NPAS2: variants seen among roughly 807,000 people sequenced by gnomAD.
The protein encoded by NPAS2 is neuronal PAS domain protein 2, also known as neuronal PAS domain-containing protein 2.
NPAS2 carries 23 observed loss-of-function variants against 107.5 expected under a neutral mutation model. The observed-to-expected ratio is 0.21, with a 90% CI of 0.15 to 0.30. The LOEUF (loss-of-function observed/expected upper bound fraction) is 0.30. NPAS2 is among the 10% of genes least tolerant of loss of function. The pLI is 1.00. For synonymous variants in NPAS2, 403 were observed against 417.5 expected, an observed-to-expected ratio of 0.97 and a Z score of 0.42; for missense variants, 756 against 1,043.3, an observed-to-expected ratio of 0.72 and a Z score of 3.79.
At chr2:100,990,506 G>A (rs1278085729) in intron 18 of NPAS2, 60 bp downstream of exon 18, 1 of 1,554,114 alleles carries the variant, frequency 6.4e-7, no homozygotes, top group East Asian at 2.2e-5. Context: ...ATTCATTTCA[G>A]CTCTACTTTC....
intron 1 of NPAS2, among the ~76,000 whole-genome samples, chr2:100,827,915 T>C (rs894141331): frequency 6.6e-6 from 1 of 152,244 alleles, no homozygotes; most frequent in African/African-American, 2.4e-5. Context: ...TGTTTTCTTT[T>C]GGATAGATAC....
chr2:100,949,362 C>T lies in NPAS2; in HGVS notation c.485-5C>T, dbSNP rs1675090327. ...TTCTCTCCTCTTCTTCCTTTAACGGCCCAGCTGACAGCGATTTAGAGTTTT... is the reference window on the plus strand; with the variant it reads ...TTCTCTCCTCTTCTTCCTTTAACGGTCCAGCTGACAGCGATTTAGAGTTTT... On this transcript the variant is annotated splice_polypyrimidine_tract_variant and splice_region_variant and intron_variant, in intron 6 of 20. Coordinates refer to ENST00000335681, the MANE Select transcript of NPAS2 (RefSeq NM_002518.4). 8 of 1,583,686 alleles carry T rather than the reference C, an allele frequency of 5.1e-6. No homozygotes were observed. The highest frequency in any genetic ancestry group is 6.9e-6 in the Non-Finnish European group (8 of 1,152,268).
chr2:100,839,410 T>A (rs2104411075), intron 1 of NPAS2, among the ~76,000 whole-genome samples: 1 of 152,242 alleles, frequency 6.6e-6, no homozygotes, highest in Admixed American at 6.5e-5. Context: ...ATTACAGGTG[T>A]GAGCCACCGC....
At chr2:100,864,492 G>A (rs1679135739) in intron 1 of NPAS2, among the ~76,000 whole-genome samples, 1 of 152,152 alleles carries the variant, frequency 6.6e-6, no homozygotes, top group African/African-American at 2.4e-5. Flanking sequence ...GGAATAAAAA[G>A]TCCACGAGAA....
intron 1 of NPAS2, among the ~76,000 whole-genome samples, chr2:100,833,299 TACTC>T (rs1676859594): frequency 6.6e-6 from 1 of 152,202 alleles, no homozygotes. Flanking sequence ...GAGATATTGA[TACTC>T]AGGATGAGAA....
chr2:100,877,025 C>A (rs1324461078), intron 1 of NPAS2, among the ~76,000 whole-genome samples: 2 of 152,216 alleles, frequency 1.3e-5, no homozygotes, highest in Non-Finnish European at 2.9e-5. Flanking sequence ...CCCACAGTCA[C>A]CCTCCTCGGG....
chr2:100,924,756 T>C (rs1003143656), intron 2 of NPAS2, among the ~76,000 whole-genome samples: 1 of 152,110 alleles, frequency 6.6e-6, no homozygotes, highest in African/African-American at 2.4e-5. Context: ...AGGCTGGGTG[T>C]TCTGGATTGA....
upstream of NPAS2, chr2:100,820,137 C>T (rs1298415310): frequency 1.3e-5 from 2 of 151,384 alleles, no homozygotes; most frequent in African/African-American, 4.8e-5. The surrounding 1 kb of genome is among the most constrained non-coding windows in gnomAD (Gnocchi z 5.6). Context: ...CCCGCCGGCT[C>T]TGCGTGCGGA....
intron 1 of NPAS2, among the ~76,000 whole-genome samples, chr2:100,860,698 G>T (rs1170612703): frequency 6.6e-6 from 1 of 151,942 alleles, no homozygotes; most frequent in African/African-American, 2.4e-5. Flanking sequence ...CTTTTATTTG[G>T]TGGATTATAA....
At chr2:100,853,675 A>G (rs1678362351) in intron 1 of NPAS2, among the ~76,000 whole-genome samples, 1 of 152,138 alleles carries the variant, frequency 6.6e-6, no homozygotes, top group African/African-American at 2.4e-5. Context: ...TCTGCTTCTC[A>G]AGGCAGGATG....
chr2:100,847,143 T>G (rs1037279675), intron 1 of NPAS2: 1 of 152,260 alleles, frequency 6.6e-6, no homozygotes, highest in East Asian at 1.9e-4. Flanking sequence ...TTGTTGGGAC[T>G]GATTTGCTAT....
At chr2:100,874,837 G>A (rs551752956) in intron 1 of NPAS2, among the ~76,000 whole-genome samples, 18 of 152,228 alleles carry the variant, frequency 1.2e-4, no homozygotes, top group African/African-American at 2.2e-4. Context: ...CCCAGAACCC[G>A]GGGCCGTTTC....
At chr2:100,866,499 A>G (rs1308761816) in intron 1 of NPAS2, among the ~76,000 whole-genome samples, 1 of 152,228 alleles carries the variant, frequency 6.6e-6, no homozygotes, top group Non-Finnish European at 1.5e-5. Flanking sequence ...CAAAAAAGCA[A>G]CGCAGATGTT....
chr2:100,904,956 G>C (rs1197907114), intron 2 of NPAS2, among the ~76,000 whole-genome samples, 170 bp downstream of exon 2: 2 of 152,182 alleles, frequency 1.3e-5, no homozygotes, highest in African/African-American at 4.8e-5. Flanking sequence ...ACCTTCTAGA[G>C]AGCTCACTCA....
In NPAS2 at chr2:100,970,972, T is replaced by C. The variant is rs1428934943; in HGVS notation, c.1056-18T>C. ...GGAATGCCCCATCTCCACTGTGGTC[T>C]CTTAATTTCCTGTACAGTTACGCAG... On this transcript the variant is annotated intron_variant, in intron 11 of 20. Transcript: ENST00000335681. 1 of 1,612,548 alleles carries C rather than the reference T, an allele frequency of 6.2e-7. No homozygotes were observed. Among genetic ancestry groups the C allele is most frequent in the African/African-American group, 1.3e-5 (1 of 74,872 alleles).
At chr2:100,849,588 A>T (rs1213719771) in intron 1 of NPAS2, among the ~76,000 whole-genome samples, 1 of 152,220 alleles carries the variant, frequency 6.6e-6, no homozygotes, top group Non-Finnish European at 1.5e-5. Flanking sequence ...ATAAAATGAT[A>T]GGCATGACTT....
At chr2:100,903,785 C>T (rs762697283) in intron 1 of NPAS2, among the ~76,000 whole-genome samples, 6 of 152,038 alleles carry the variant, frequency 3.9e-5, no homozygotes, top group Non-Finnish European at 8.8e-5. Context: ...GCCCTGAGAA[C>T]GGTTCTGCTT....
intron 1 of NPAS2, among the ~76,000 whole-genome samples, chr2:100,828,819 T>G (rs1237645495): frequency 1.3e-5 from 2 of 152,120 alleles, no homozygotes; most frequent in African/African-American, 4.8e-5. Context: ...TAGTTAGAAG[T>G]TGGGTAATAT....
At chr2:100,846,209 A>G (rs767555068) in intron 1 of NPAS2, among the ~76,000 whole-genome samples, 1 of 152,244 alleles carries the variant, frequency 6.6e-6, no homozygotes, top group Non-Finnish European at 1.5e-5. Context: ...GGAAAATTCT[A>G]GGGTGGTAAC....
Sources: allele counts gnomAD v4.1 joint callset (sites outside exome capture counted in the v4.1 genomes callset), GRCh38; gene constraint gnomAD v4.1.1; non-coding constraint Gnocchi (gnomAD v3.1); transcripts MANE v1.5; gene names NCBI Gene and HGNC (gene_info 2026-07-23, HGNC 2026-07-21).